The following DNAH12 variants were observed in gnomAD, a reference collection of about 807,000 sequenced individuals.
DNAH12 encodes the protein axonemal beta dynein heavy chain 12.
Under a neutral mutation model 371.5 loss-of-function variants are expected in DNAH12, and 285 were observed. The observed-to-expected ratio is 0.77, with a 90% CI of 0.70 to 0.85. DNAH12 has a LOEUF of 0.85. Among genes scored for constraint, DNAH12 ranks in the 40% least tolerant of loss-of-function variants. The probability of loss-of-function intolerance (pLI) is 0.00; values close to 1 mark genes in which losing one functional copy is unlikely to be tolerated. For synonymous variants in DNAH12, 1,200 were observed against 1,213.0 expected, an observed-to-expected ratio of 0.99 and a Z score of 0.22; for missense variants, 3,611 against 3,689.4, an observed-to-expected ratio of 0.98 and a Z score of 0.55.
chr3:57,523,917 G>T lies in DNAH12; in HGVS notation c.171-33C>A, dbSNP rs754405876. 4.9e-6 allele frequency: 7 copies of T among 1,430,882 alleles called. No individual in the cohort carries two copies. The African/African-American group carries it at 9.9e-5, about 20-fold the overall frequency. 88.6% of individuals were successfully genotyped at this position (1,430,882 alleles called of 1,614,324 possible). A position where few individuals can be genotyped will look rare whatever the true frequency, so the allele number is the denominator to read the frequency against. On this transcript the variant is annotated intron_variant, in intron 2 of 73. Transcript: ENST00000495027. ...TTATAGTTAGAAATATGACTCTCTT[G>T]ATAACATTAGCATAAGTTACTAAAA...
chr3:57,524,700 G>GCTTTCAATGAA (rs1204548673), intron 2 of DNAH12, among the ~76,000 whole-genome samples: 1 of 152,090 alleles, frequency 6.6e-6, no homozygotes, highest in Non-Finnish European at 1.5e-5. Context: ...TTAGCAATGA[G>GCTTTCAATGAA]CTTTAAATGA....
chr3:57,393,971 G>A (rs1471966433), intron 44 of DNAH12, among the ~76,000 whole-genome samples, 200 bp downstream of exon 44: 1 of 152,042 alleles, frequency 6.6e-6, no homozygotes, highest in Admixed American at 6.5e-5. Context: ...GAAGATAGGA[G>A]TTATAAAAAT....
At chr3:57,389,354 G>C (rs1014438757) in intron 45 of DNAH12, among the ~76,000 whole-genome samples, 2 of 151,952 alleles carry the variant, frequency 1.3e-5, no homozygotes, top group Non-Finnish European at 2.9e-5. Flanking sequence ...TGACTAAAGA[G>C]GCAGAAAACC....
At chr3:57,426,795 C>T (rs1267055522) in intron 34 of DNAH12, among the ~76,000 whole-genome samples, 1 of 147,210 alleles carries the variant, frequency 6.8e-6, no homozygotes, top group East Asian at 2.0e-4. Context: ...TGCCACTGCA[C>T]TCCAGCCTGG....
chr3:57,419,003 T>C (rs534104275), intron 37 of DNAH12, among the ~76,000 whole-genome samples: 14 of 152,312 alleles, frequency 9.2e-5, no homozygotes, highest in Non-Finnish European at 2.1e-4. Context: ...AAATGCTAAA[T>C]GTAATAGGAG....
At chr3:57,529,849 C>T (rs2068780063) in intron 2 of DNAH12, among the ~76,000 whole-genome samples, 1 of 151,694 alleles carries the variant, frequency 6.6e-6, no homozygotes, top group African/African-American at 2.4e-5. Flanking sequence ...AGTTTTTCTT[C>T]TTTGTTGATG....
Position 57,459,595 on chromosome 3 carries a change from T to C in DNAH12, c.2928A>G (p.Pro976=). 1 of 1,482,742 alleles carries C rather than the reference T, an allele frequency of 6.7e-7. No individual in the cohort carries two copies. Among genetic ancestry groups the C allele is most frequent in the Non-Finnish European group, 9.1e-7 (1 of 1,102,536 alleles). The allele number at this position is 1,482,742 out of a possible 1,614,324, so 91.8% of individuals were successfully genotyped here. ...RDIMKFCAKD[P]KVLAATSLTG... ...AGAGAGAAAACAAACACTTCACCTTTGGATCTTTAGCACAAAACTTCATGA... is the reference window on the plus strand; with the variant it reads ...AGAGAGAAAACAAACACTTCACCTTCGGATCTTTAGCACAAAACTTCATGA... Residue 976 remains proline, a synonymous_variant, in exon 20 of 74, where the codon CCA becomes CCG. Transcript: ENST00000495027.
intron 29 of DNAH12, 122 bp downstream of exon 29, chr3:57,444,574 TG>T: frequency 7.2e-7 from 1 of 1,386,128 alleles, no homozygotes; most frequent in Non-Finnish European, 9.8e-7. Flanking sequence ...TTAACTAAAG[TG>T]GACAAAATAG....
rs1579454759 is a variant in DNAH12, at chr3:57,297,094, C to T, written c.11395-110G>A. On this transcript the variant is annotated intron_variant, in intron 70 of 73. Coordinates refer to ENST00000495027, the MANE Select transcript of DNAH12 (RefSeq NM_001366028.2). ...TGCTTATGTTGCCCACATTTTCCAT[C>T]ACGAGGCCCTCTTCCCTGACGTCAA... 4 of 1,258,300 alleles carry T rather than the reference C, an allele frequency of 3.2e-6. No individual in the cohort carries two copies. The East Asian group carries it at 1.0e-4, about 32-fold the overall frequency. The allele number at this position is 1,258,300 out of a possible 1,614,324, so 77.9% of individuals were successfully genotyped here. A position where few individuals can be genotyped will look rare whatever the true frequency, so the allele number is the denominator to read the frequency against.
chr3:57,452,660 A>G (rs2065789026), intron 25 of DNAH12, among the ~76,000 whole-genome samples, 183 bp downstream of exon 25: 1 of 152,080 alleles, frequency 6.6e-6, no homozygotes, highest in African/African-American at 2.4e-5. Flanking sequence ...AAGTTCAAAC[A>G]CTCTTGTATG....
intron 50 of DNAH12, among the ~76,000 whole-genome samples, chr3:57,382,056 C>T (rs904213425): frequency 7.9e-5 from 12 of 152,070 alleles, no homozygotes; most frequent in Middle Eastern, 3.4e-3. Flanking sequence ...TTAGTTGAGA[C>T]GGGGTTTCAC....
In DNAH12 at chr3:57,309,800, T is replaced by C. The variant is rs2061550836; in HGVS notation, c.10951A>G (p.Ile3651Val). 6 of 1,551,384 alleles carry C rather than the reference T, an allele frequency of 3.9e-6. No homozygotes were observed. Among genetic ancestry groups the C allele is most frequent in the Non-Finnish European group, 5.2e-6 (6 of 1,146,834 alleles). The change falls in exon 68 of 74, where the codon ATC (isoleucine) becomes GTC (valine). Residue 3651 changes from isoleucine (I) to valine (V), a missense_variant. Physicochemically the swap from Ile to Val is conservative, Grantham distance 29. This residue lies in a region of DNAH12 where 2,266 missense variants were observed against 2,236.9 expected (regional missense o/e 1.01). Transcript: ENST00000495027. ...EIFGLHENVD[I>V]SKDLQQTKTL... ...TTTGTTTGTTGAAGATCCTTGGAGA[T>C]GTCAACGTTTTCATGTAATCCAAAT...
chr3:57,414,872 T>C (rs779840422), intron 38 of DNAH12, among the ~76,000 whole-genome samples: 11 of 152,134 alleles, frequency 7.2e-5, no homozygotes, highest in Non-Finnish European at 1.3e-4. Context: ...AATGGATAGG[T>C]ATAAATTTGG....
chr3:57,347,780 T>C (rs1440278063), intron 60 of DNAH12, among the ~76,000 whole-genome samples: 1 of 149,310 alleles, frequency 6.7e-6, no homozygotes, highest in African/African-American at 2.4e-5. Flanking sequence ...AGATATATAG[T>C]TGGCAAATAA....
intron 69 of DNAH12, among the ~76,000 whole-genome samples, chr3:57,306,775 T>C (rs1382656448): frequency 1.3e-5 from 2 of 152,104 alleles, no homozygotes; most frequent in Non-Finnish European, 2.9e-5. Flanking sequence ...ATTCCCCCAT[T>C]TTACCTGTCC....
chr3:57,408,617 T>G (rs1268860121), intron 39 of DNAH12, 82 bp from the exon 40 acceptor site: 1 of 1,374,760 alleles, frequency 7.3e-7, no homozygotes, highest in Non-Finnish European at 9.5e-7. Flanking sequence ...CCCAAGAAAT[T>G]TAATCAGATT....
chr3:57,485,973 A>C (rs1469395177), intron 12 of DNAH12, among the ~76,000 whole-genome samples: 1 of 151,906 alleles, frequency 6.6e-6, no homozygotes, highest in Non-Finnish European at 1.5e-5. Flanking sequence ...TAATCTCAGC[A>C]CTTTGGGAGG....
chr3:57,516,357 C>T (rs539132991), intron 4 of DNAH12, among the ~76,000 whole-genome samples: 13 of 152,220 alleles, frequency 8.5e-5, no homozygotes, highest in South Asian at 2.1e-4. Context: ...CCACCATGCC[C>T]GGCCCATGTA....
At chr3:57,452,631 T>C (rs899101371) in intron 25 of DNAH12, among the ~76,000 whole-genome samples, 2 of 152,224 alleles carry the variant, frequency 1.3e-5, no homozygotes, top group Non-Finnish European at 1.5e-5. Context: ...TCGGAGTGAC[T>C]CACAACTTTC....
Sources: gnomAD v4.1 joint callset for allele counts (sites outside exome capture counted in the v4.1 genomes callset) on GRCh38, gnomAD v4.1.1 for gene constraint, gnomAD v4.1.1 regional missense constraint, MANE v1.5 for transcripts, NCBI Gene and HGNC (gene_info 2026-07-23, HGNC 2026-07-21) for gene names.